Variants in SLC35E1 observed in about 807,000 individuals in gnomAD.
SLC35E1 encodes the protein solute carrier family 35 member E1.
SLC35E1 carries 12 observed loss-of-function variants against 31.0 expected under a neutral mutation model. The observed-to-expected ratio is 0.39, with a 90% CI of 0.25 to 0.63. The LOEUF is 0.63. Among genes scored for constraint, SLC35E1 ranks in the 20% least tolerant of loss-of-function variants. The pLI is 0.52. For synonymous variants in SLC35E1, 257 were observed against 264.1 expected, an observed-to-expected ratio of 0.97 and a Z score of 0.26; for missense variants, 429 against 572.2, an observed-to-expected ratio of 0.75 and a Z score of 2.55.
intron 2 of SLC35E1, among the ~76,000 whole-genome samples, chr19:16,571,200 C>A (rs889674716): frequency 2.0e-5 from 3 of 152,018 alleles, no homozygotes; most frequent in African/African-American, 7.3e-5. Flanking sequence ...CAAGATGTGA[C>A]CAACCCATCA....
intron 4 of SLC35E1, among the ~76,000 whole-genome samples, chr19:16,559,613 A>C (rs2085894591): frequency 6.6e-6 from 1 of 152,088 alleles, no homozygotes; most frequent in Non-Finnish European, 1.5e-5. Context: ...TGATTGTACC[A>C]CTGCACTCCA....
In SLC35E1 at chr19:16,553,872, A is replaced by G. The variant is rs1568270602; in HGVS notation, c.1040T>C (p.Leu347Pro). The change falls in exon 6 of 6, where the codon CTC (leucine) becomes CCC (proline). Residue 347 changes from leucine (L) to proline (P), a missense_variant. Coordinates refer to ENST00000595753, the MANE Select transcript of SLC35E1 (RefSeq NM_024881.5). ...CAGGTCTGCTGTGGTGACGGGGAGG[A>G]GGTGCTTCCTGGCTTGCTGGTTTGC... is the stretch of plus-strand genomic sequence containing the variant. ...YDANQQARKHLLPVTTADLSS... is the reference protein window; with the variant it reads ...YDANQQARKHPLPVTTADLSS... The G allele has an allele frequency of 3.7e-6, 6 of 1,612,480 alleles. No homozygotes were observed. Among genetic ancestry groups the G allele is most frequent in the Non-Finnish European group, 1.7e-6 (2 of 1,179,134 alleles).
At chr19:16,560,969 A>G (rs2122334383) in intron 4 of SLC35E1, among the ~76,000 whole-genome samples, 1 of 148,464 alleles carries the variant, frequency 6.7e-6, no homozygotes, top group Middle Eastern at 3.5e-3. Flanking sequence ...TGGGAGGTCG[A>G]GGCAGGCAGA....
intron 4 of SLC35E1, among the ~76,000 whole-genome samples, chr19:16,563,795 A>T (rs908382310): frequency 6.6e-6 from 1 of 152,190 alleles, no homozygotes; most frequent in Non-Finnish European, 1.5e-5. Flanking sequence ...AAGAAATACT[A>T]ACCTTTTCTC....
At chr19:16,558,916 C>T (rs1311983047) in intron 4 of SLC35E1, among the ~76,000 whole-genome samples, 1 of 151,312 alleles carries the variant, frequency 6.6e-6, no homozygotes, top group Non-Finnish European at 1.5e-5. Flanking sequence ...ATTACAGGCA[C>T]GTGCCACCAC....
chr19:16,572,372 G>C lies in SLC35E1; in HGVS notation c.-8C>G, dbSNP rs897916347. The C allele has an allele frequency of 2.0e-6, 2 of 1,003,558 alleles. No homozygotes were observed. Among genetic ancestry groups the C allele is most frequent in the Non-Finnish European group, 1.2e-6 (1 of 842,122 alleles). 62.2% of individuals were successfully genotyped at this position (1,003,558 alleles called of 1,614,324 possible). On this transcript the variant is annotated 5_prime_UTR_variant, in exon 1 of 6. Transcript: ENST00000595753. The surrounding 1 kb of genome is among the most constrained non-coding windows in gnomAD (Gnocchi z 4.1). ...CACCGCGGCCGCCGCCATCCTGCCCGAGCGGCCGCCCCTTCCAGCCCGTCC... is the reference window on the plus strand; with the variant it reads ...CACCGCGGCCGCCGCCATCCTGCCCCAGCGGCCGCCCCTTCCAGCCCGTCC...
chr19:16,554,387 A>G (rs2085863771), intron 5 of SLC35E1, among the ~76,000 whole-genome samples: 1 of 151,600 alleles, frequency 6.6e-6, no homozygotes, highest in Non-Finnish European at 1.5e-5. Flanking sequence ...GACTCAGAAG[A>G]CAAGTCCTTG....
Position 16,553,507 on chromosome 19 carries a change from GC to G in SLC35E1, c.*171del. ...GAGCTCACGGCCGTCTGCACTGCAGGCAACGCATCCTCCTGCGGCTCACGGG... is the reference window on the plus strand; with the variant it reads ...GAGCTCACGGCCGTCTGCACTGCAGGAACGCATCCTCCTGCGGCTCACGGG... On this transcript the variant is annotated 3_prime_UTR_variant, in exon 6 of 6. Coordinates refer to ENST00000595753, the MANE Select transcript of SLC35E1 (RefSeq NM_024881.5). 1 of 501,796 alleles carries G rather than the reference GC, an allele frequency of 2.0e-6. No homozygotes were observed. The highest frequency in any genetic ancestry group is 3.3e-6 in the Non-Finnish European group (1 of 298,590). 31.1% of individuals were successfully genotyped at this position (501,796 alleles called of 1,614,324 possible).
At chr19:16,567,485 C>T (rs1040989424) in intron 3 of SLC35E1, among the ~76,000 whole-genome samples, 4 of 152,164 alleles carry the variant, frequency 2.6e-5, no homozygotes, top group South Asian at 2.1e-4. Context: ...CCAGCCTGGG[C>T]GACAGTGAGC....
chr19:16,567,824 G>C (rs755028964), intron 3 of SLC35E1, among the ~76,000 whole-genome samples: 5 of 152,176 alleles, frequency 3.3e-5, no homozygotes, highest in Admixed American at 1.3e-4. Context: ...AAAGTGCTGG[G>C]ATTATAGGCA....
Position 16,553,684 on chromosome 19 carries a change from C to T in SLC35E1, c.1228G>A (p.Val410Met). ...PNSYSLNRYD[V>M] ...CTGGTCCTGTCCTTTGGACTCTACA[C>T]ATCATAGCGGTTCAAACTGTACGAG... is the stretch of plus-strand genomic sequence containing the variant. The change falls in exon 6 of 6, where the codon GTG (valine) becomes ATG (methionine). Residue 410 changes from valine (V) to methionine (M), a missense_variant. Physicochemically the swap from Val to Met is conservative, Grantham distance 21. Transcript: ENST00000595753. 6.4e-7 allele frequency: 1 copy of T among 1,556,038 alleles called. No homozygotes were observed. The highest frequency in any genetic ancestry group is 8.7e-7 in the Non-Finnish European group (1 of 1,145,646).
rs955986269 is a variant in SLC35E1 at position 16,563,187 on chromosome 19, G to A, written c.756+3345C>T. Among the ~76,000 whole-genome samples, 5 of 152,178 alleles carry A rather than the reference G, an allele frequency of 3.3e-5. 1 individual carries two copies. Among genetic ancestry groups the A allele is most frequent in the South Asian group, 2.1e-4 (1 of 4,824 alleles). The stretch of plus-strand genomic sequence containing the variant: ...AACACACAAAAAATTAGCTGGGCGC[G>A]GTGGTGGGTGTCTGTAGTCCCAGCT... On this transcript the variant is annotated intron_variant, in intron 4 of 5. Transcript: ENST00000595753.
intron 2 of SLC35E1, among the ~76,000 whole-genome samples, chr19:16,568,633 C>A (rs1320500628): frequency 2.0e-5 from 3 of 152,144 alleles, no homozygotes; most frequent in Non-Finnish European, 4.4e-5. Context: ...CGGGTTCAAG[C>A]GATTCTCCTG....
intron 4 of SLC35E1, among the ~76,000 whole-genome samples, chr19:16,559,115 C>A (rs1330342742): frequency 2.6e-5 from 4 of 151,808 alleles, no homozygotes; most frequent in Non-Finnish European, 5.9e-5. Flanking sequence ...AAATTTCTGG[C>A]CTCCAGCCTG....
intron 4 of SLC35E1, chr19:16,565,314 G>A (rs1176894119): frequency 1.8e-5 from 6 of 341,564 alleles, no homozygotes; most frequent in Non-Finnish European, 3.5e-5. Context: ...GGGTTCAAGC[G>A]ATTCTCCCAC....
Position 16,555,325 on chromosome 19 carries a change from C to G in SLC35E1, c.829G>C (p.Val277Leu). ...VSGFCNFAQN[V>L]IAFSILNLVS... ...AGGTTGAGGATGCTGAAGGCGATAA[C>G]ATTCTGGGCAAAGTTACAGAAGCCG... is the stretch of plus-strand genomic sequence containing the variant. The change falls in exon 5 of 6, where the codon GTT becomes CTT. Residue 277 changes from valine to leucine, a missense_variant. Coordinates refer to ENST00000595753, the MANE Select transcript of SLC35E1 (RefSeq NM_024881.5). The surrounding 1 kb of genome is among the most constrained non-coding windows in gnomAD (Gnocchi z 4.1). 1 of 1,614,174 alleles carries G rather than the reference C, an allele frequency of 6.2e-7. No homozygotes were observed. Among genetic ancestry groups the G allele is most frequent in the Non-Finnish European group, 8.5e-7 (1 of 1,180,048 alleles).
chr19:16,571,451 T>C (rs945051975), intron 2 of SLC35E1, 61 bp downstream of exon 2: 191 of 1,567,792 alleles, frequency 1.2e-4, no homozygotes, highest in Middle Eastern at 1.7e-4. Context: ...ACGTCACCAG[T>C]TGGCAACAGG....
rs376945555 is a variant in SLC35E1 at position 16,553,638 on chromosome 19, G to A, written c.*41C>T. 3.6e-5 allele frequency: 51 copies of A among 1,406,392 alleles called. No individual in the cohort carries two copies. The highest frequency in any genetic ancestry group is 2.9e-4 in the African/African-American group (20 of 69,060). 87.1% of individuals were successfully genotyped at this position (1,406,392 alleles called of 1,614,324 possible). ...AGTTTCTGATACTGCTGTGGGGGCC[G>A]GGGAAGGAGTCACCAACAGTCTGGT... On this transcript the variant is annotated 3_prime_UTR_variant, in exon 6 of 6. Transcript: ENST00000595753.
rs1430956760 is a variant in SLC35E1 at position 16,555,607 on chromosome 19, A to C, written c.757-210T>G. 6.7e-6 allele frequency: 4 copies of C among 600,638 alleles called. No individual in the cohort carries two copies. The highest frequency in any genetic ancestry group is 1.1e-5 in the Non-Finnish European group (4 of 352,974). The allele number at this position is 600,638 out of a possible 1,614,324, so 37.2% of individuals were successfully genotyped here. A position where few individuals can be genotyped will look rare whatever the true frequency, so the allele number is the denominator to read the frequency against. ...ACCTCATGACACCACACAGCATGGG[A>C]ATCACCCGCCGTCTCCTGCCAAGGA... On this transcript the variant is annotated intron_variant, in intron 4 of 5. Coordinates refer to ENST00000595753, the MANE Select transcript of SLC35E1 (RefSeq NM_024881.5). The surrounding 1 kb of genome is among the most constrained non-coding windows in gnomAD (Gnocchi z 4.1).
Sources: gnomAD v4.1 joint callset for allele counts (sites outside exome capture counted in the v4.1 genomes callset) on GRCh38, gnomAD v4.1.1 for gene constraint, Gnocchi (gnomAD v3.1) non-coding constraint, MANE v1.5 for transcripts, NCBI Gene and HGNC (gene_info 2026-07-23, HGNC 2026-07-21) for gene names.